The following AFG2B variants were observed in gnomAD, a reference collection of about 807,000 sequenced individuals.
AFG2B encodes AAA ATPase AFG2B.
the AFG2B span, chr15:45,402,643 G>T: frequency 6.3e-7 from 1 of 1,579,484 alleles, no homozygotes. Context: ...GGACGGCTTT[G>T]TGCAGCTGGA....
At chr15:45,408,696 G>A in the AFG2B span, among the ~76,000 whole-genome samples, 1 of 152,140 alleles carries the variant, frequency 6.6e-6, no homozygotes, top group African/African-American at 2.4e-5. Context: ...AGAAATCTGT[G>A]GGGAGACACT....
the AFG2B span, among the ~76,000 whole-genome samples, chr15:45,416,163 C>T: frequency 4.6e-5 from 7 of 152,106 alleles, no homozygotes; most frequent in Admixed American, 3.3e-4. Flanking sequence ...CAGTGGCACA[C>T]GCCTGTAATC....
At chr15:45,410,313 T>A in the AFG2B span, 1 of 1,573,582 alleles carries the variant, frequency 6.4e-7, no homozygotes, top group Non-Finnish European at 8.6e-7. Flanking sequence ...AATTGTGCTA[T>A]AAAAAAAGAC....
chr15:45,418,443 T>C, the AFG2B span: 8 of 1,016,406 alleles, frequency 7.9e-6, no homozygotes, highest in Non-Finnish European at 1.1e-5. Context: ...CTAACCCCTA[T>C]ATATATTTTC....
chr15:45,407,148 G>A, the AFG2B span: 1 of 1,285,334 alleles, frequency 7.8e-7, no homozygotes, highest in South Asian at 1.2e-5. Context: ...CACAGGTGAT[G>A]GCTGAGTTCA....
the AFG2B span, chr15:45,421,362 T>C: frequency 2.1e-6 from 1 of 482,374 alleles, no homozygotes; most frequent in Non-Finnish European, 3.5e-6. Context: ...CCTGATAAGC[T>C]AAGGCTCATT....
chr15:45,403,219 G>A, the AFG2B span: 22 of 1,510,088 alleles, frequency 1.5e-5, no homozygotes, highest in Non-Finnish European at 1.9e-5. Context: ...GGAGCTGCTG[G>A]CAGTCAGCGC....
At chr15:45,407,265 G>A in the AFG2B span, 1 of 1,176,038 alleles carries the variant, frequency 8.5e-7, no homozygotes, top group South Asian at 1.6e-5. Context: ...CCAGCTGAGG[G>A]GCTGCTGCTA....
At chr15:45,404,515 T>C in the AFG2B span, among the ~76,000 whole-genome samples, 4 of 152,280 alleles carry the variant, frequency 2.6e-5, no homozygotes, top group African/African-American at 4.8e-5. Context: ...AAAAAACATA[T>C]TATTATTTTG....
chr15:45,409,469 G>T, the AFG2B span, among the ~76,000 whole-genome samples: 6 of 151,904 alleles, frequency 3.9e-5, no homozygotes, highest in African/African-American at 1.5e-4. Context: ...AATTGTTGCA[G>T]CTTCCTTAGA....
chr15:45,402,768 G>T, the AFG2B span: 1 of 1,583,970 alleles, frequency 6.3e-7, no homozygotes, highest in Admixed American at 1.7e-5. Context: ...TCGCCGTGTG[G>T]CCGGTGTTGC....
the AFG2B span, among the ~76,000 whole-genome samples, chr15:45,411,967 G>A: frequency 6.7e-3 from 1,014 of 151,780 alleles, 7 homozygotes; most frequent in Admixed American, 0.02. Flanking sequence ...GCGTGGTGGC[G>A]CATGCCTGTA....
At chr15:45,408,487 G>A in the AFG2B span, among the ~76,000 whole-genome samples, 1 of 152,136 alleles carries the variant, frequency 6.6e-6, no homozygotes, top group Non-Finnish European at 1.5e-5. Flanking sequence ...ACATTTTAAT[G>A]TCTATTTCCT....
chr15:45,404,853 C>A, the AFG2B span, among the ~76,000 whole-genome samples: 2 of 149,862 alleles, frequency 1.3e-5, no homozygotes, highest in Non-Finnish European at 3.0e-5. Flanking sequence ...TGTATACACA[C>A]ACATATATAA....
At chr15:45,414,800 T>C in the AFG2B span, 1 of 1,589,948 alleles carries the variant, frequency 6.3e-7, no homozygotes, top group South Asian at 1.1e-5. Context: ...TTTCCCCATA[T>C]GTTTAAATTT....
chr15:45,409,378 A>G, the AFG2B span, among the ~76,000 whole-genome samples: 8 of 151,378 alleles, frequency 5.3e-5, no homozygotes, highest in African/African-American at 1.9e-4. Context: ...CCCCGCCAAA[A>G]AAAAAAAAAA....
chr15:45,411,206 A>G, the AFG2B span, among the ~76,000 whole-genome samples: 7 of 152,154 alleles, frequency 4.6e-5, no homozygotes, highest in East Asian at 1.9e-4. Context: ...TCCGGGGGGA[A>G]AAAAGTGTAT....
chr15:45,402,408 C>G, the AFG2B span: 5 of 1,574,784 alleles, frequency 3.2e-6, no homozygotes, highest in Non-Finnish European at 4.3e-6. Context: ...CTGGTTTCGT[C>G]TGCCTGGTTC....
the AFG2B span, among the ~76,000 whole-genome samples, chr15:45,420,883 T>G: frequency 6.6e-6 from 1 of 152,060 alleles, no homozygotes; most frequent in African/African-American, 2.4e-5. Flanking sequence ...TCCCAGCTAC[T>G]TGGGAGGCTG....
Sources: gnomAD v4.1 joint callset for allele counts (sites outside exome capture counted in the v4.1 genomes callset) on GRCh38, gnomAD v4.1.1 for gene constraint, MANE v1.5 for transcripts, NCBI Gene and HGNC (gene_info 2026-07-23, HGNC 2026-07-21) for gene names.